The following MLKL variants were observed in gnomAD, a reference collection of about 807,000 sequenced individuals.
MLKL encodes the protein mixed lineage kinase domain like pseudokinase.
In MLKL, 55 loss-of-function variants were observed where a neutral mutation model predicts 56.5. The observed-to-expected ratio is 0.97, with a 90% CI of 0.78 to 1.22. The LOEUF is 1.22. Ranked by LOEUF, MLKL falls within the 50% of genes most tolerant of loss-of-function variation. The probability of loss-of-function intolerance (pLI) is 0.00; values close to 1 mark genes in which losing one functional copy is unlikely to be tolerated. For missense variants in MLKL, 694 were observed against 573.9 expected (o/e 1.21, Z -2.14); for synonymous variants, 251 against 208.3 (o/e 1.20, Z -1.76).
chr16:74,694,284 A>C (rs1406784165), intron 2 of MLKL, among the ~76,000 whole-genome samples: 1 of 152,194 alleles, frequency 6.6e-6, no homozygotes, highest in Non-Finnish European at 1.5e-5. Flanking sequence ...TGAGATTATC[A>C]TTTTGTCTAT....
At position 74,678,950 on chromosome 16, in the gene MLKL, G is replaced by C. The variant is rs367604583; in HGVS notation, c.987C>G (p.His329Gln). 5.0e-6 allele frequency: 8 copies of C among 1,613,932 alleles called. No individual in the cohort carries two copies. In the African/African-American group the frequency reaches 1.1e-4, roughly 22 times the overall value. ...GGAAGTTTGAGCTTCTGATTTTTCC[G>C]TGGAGTTCAGGTGCTTCTGAATGGT... is the stretch of plus-strand genomic sequence containing the variant. ...RLHHSEAPEL[H>Q]GKIRSSNFLV... Residue 329 changes from histidine (H) to glutamine (Q), a missense_variant, in exon 7 of 11, where the codon CAC (histidine) becomes CAG (glutamine). Coordinates refer to ENST00000308807, the MANE Select transcript of MLKL (RefSeq NM_152649.4).
chr16:74,681,592 T>C (rs1422109416), intron 6 of MLKL, among the ~76,000 whole-genome samples: 2 of 151,504 alleles, frequency 1.3e-5, no homozygotes, highest in African/African-American at 4.8e-5. Context: ...AGGAGATCGA[T>C]ACCATCCTGG....
intron 7 of MLKL, chr16:74,678,029 A>G (rs2144462932): frequency 6.6e-6 from 1 of 152,402 alleles, no homozygotes; most frequent in African/African-American, 2.4e-5. Flanking sequence ...GAAACACTGG[A>G]AGGCATGCCT....
chr16:74,675,015 C>G lies in MLKL; in HGVS notation c.1326G>C (p.Arg442=), dbSNP rs1414673937. The change falls in exon 10 of 11, where the codon CGG becomes CGC. Residue 442 remains arginine (R), a synonymous_variant. Transcript: ENST00000308807. The part of the protein sequence containing the change: ...PLGEDCPSEL[R]EIIDECRAHD... ...GGGCCCGGCACTCATCAATGATCTC[C>G]CGCAGCTCTGAAGGGCAGTCTTCAC... is the stretch of plus-strand genomic sequence containing the variant. 6.2e-7 allele frequency: 1 copy of G among 1,614,206 alleles called. No individual in the cohort carries two copies. Among genetic ancestry groups the G allele is most frequent in the East Asian group, 2.2e-5 (1 of 44,880 alleles).
intron 6 of MLKL, 38 bp downstream of exon 6, chr16:74,682,591 GTATCAGGAGTGTGGACAGACCC>G: frequency 6.3e-7 from 1 of 1,593,744 alleles, no homozygotes. Context: ...ATCTCTGGGA[GTATCAGGAGTGTGGACAGACCC>G]ATCCAACCCT....
Position 74,675,665 on chromosome 16 carries a change from G to A in MLKL, c.1138C>T (p.Gln380Ter). Residue 380 changes from glutamine to a stop codon, truncating the protein, a stop_gained, in exon 8 of 11, where the codon CAG becomes TAG. Coordinates refer to ENST00000308807, the MANE Select transcript of MLKL (RefSeq NM_152649.4). LOFTEE classifies it high-confidence loss of function. Reference sequence around the variant, plus strand: ...TGATAAAATACATCTTCCAGTTCCTGAGGTGAGAGATATGCTGTAGATTTG... The same window carrying A: ...TGATAAAATACATCTTCCAGTTCCTAAGGTGAGAGATATGCTGTAGATTTG... ...RVKSTAYLSP[Q>*]ELEDVFYQYD... is the part of the protein sequence containing the mutation. The A allele has an allele frequency of 6.2e-7, 1 of 1,614,054 alleles. No individual in the cohort carries two copies. Among genetic ancestry groups the A allele is most frequent in the South Asian group, 1.1e-5 (1 of 91,086 alleles).
intron 10 of MLKL, among the ~76,000 whole-genome samples, chr16:74,673,546 A>G (rs951607519): frequency 2.0e-5 from 3 of 151,962 alleles, no homozygotes; most frequent in African/African-American, 2.4e-5. Context: ...GGCTTTGTGG[A>G]AAGTCTGGGA....
chr16:74,676,590 C>G (rs982442065), intron 7 of MLKL: 24 of 490,102 alleles, frequency 4.9e-5, no homozygotes, highest in Non-Finnish European at 6.4e-5. Context: ...ATCTTATAGT[C>G]AGGCTGCATG....
intron 4 of MLKL, 63 bp from the exon 5 acceptor site, chr16:74,685,646 G>A: frequency 7.5e-7 from 1 of 1,335,644 alleles, no homozygotes; most frequent in South Asian, 1.2e-5. Flanking sequence ...AGAACATTCA[G>A]TGTGGTGACC....
At chr16:74,674,542 C>A (rs1287531272) in intron 10 of MLKL, among the ~76,000 whole-genome samples, 1 of 151,810 alleles carries the variant, frequency 6.6e-6, no homozygotes, top group Non-Finnish European at 1.5e-5. Context: ...ACTGCAACCT[C>A]CCAGTTTCAA....
At chr16:74,696,338 T>C (rs916128515) in intron 1 of MLKL, among the ~76,000 whole-genome samples, 1 of 152,158 alleles carries the variant, frequency 6.6e-6, no homozygotes, top group African/African-American at 2.4e-5. Flanking sequence ...GCATAGAGGT[T>C]TCAGGGGCCA....
At chr16:74,675,455 C>A in intron 8 of MLKL, 51 bp from the exon 9 acceptor site, 1 of 1,600,264 alleles carries the variant, frequency 6.2e-7, no homozygotes. Context: ...CCCCTTTCCC[C>A]TGTCCCTCTA....
At chr16:74,694,911 C>T (rs1048620692) in intron 2 of MLKL, among the ~76,000 whole-genome samples, 2 of 152,138 alleles carry the variant, frequency 1.3e-5, no homozygotes, top group Admixed American at 6.5e-5. Flanking sequence ...CTCGCTCTGT[C>T]GCCCAGGCTG....
At chr16:74,676,437 G>A (rs1597480776) in intron 7 of MLKL, 5 of 985,496 alleles carry the variant, frequency 5.1e-6, no homozygotes, top group Non-Finnish European at 6.0e-6. Flanking sequence ...TAGGGGCAAT[G>A]TGAGAAAAGG....
chr16:74,682,840 T>C (rs1238548686), intron 5 of MLKL, 54 bp from the exon 6 acceptor site: 2 of 1,599,548 alleles, frequency 1.3e-6, no homozygotes, highest in South Asian at 1.1e-5. Context: ...AAGCTTCCCA[T>C]GTCTGCAGCC....
intron 6 of MLKL, among the ~76,000 whole-genome samples, chr16:74,680,696 G>A (rs370255388): frequency 6.6e-6 from 1 of 152,190 alleles, no homozygotes; most frequent in African/African-American, 2.4e-5. Context: ...TAGGAGAGAC[G>A]AGGTTTCACC....
chr16:74,685,687 A>T, intron 4 of MLKL, 104 bp from the exon 5 acceptor site: 1 of 829,356 alleles, frequency 1.2e-6, no homozygotes, highest in Non-Finnish European at 2.0e-6. Context: ...GGGTATCAGC[A>T]TCTGGGGTGA....
chr16:74,693,892 C>A (rs1161453721), intron 2 of MLKL, among the ~76,000 whole-genome samples: 1 of 151,988 alleles, frequency 6.6e-6, no homozygotes, highest in Non-Finnish European at 1.5e-5. Context: ...CGTGAGCCAC[C>A]CCGCCTGGCC....
chr16:74,689,742 T>C (rs781469155), intron 4 of MLKL, among the ~76,000 whole-genome samples: 8 of 152,226 alleles, frequency 5.3e-5, no homozygotes, highest in Non-Finnish European at 8.8e-5. Flanking sequence ...TCTATGTCTA[T>C]ATAAAAACTT....
Sources: allele counts gnomAD v4.1 joint callset (sites outside exome capture counted in the v4.1 genomes callset), GRCh38; gene constraint gnomAD v4.1.1; transcripts MANE v1.5; gene names NCBI Gene and HGNC (gene_info 2026-07-23, HGNC 2026-07-21).